Variants in SPOCK1 observed in about 807,000 individuals in gnomAD.
SPOCK1 encodes the protein testican-1.
SPOCK1 carries 23 observed loss-of-function variants against 55.3 expected under a neutral mutation model. That is an observed-to-expected ratio of 0.42 (90% CI 0.30 to 0.59). The LOEUF (loss-of-function observed/expected upper bound fraction) is 0.59, where lower values mean the gene tolerates loss of function less well. Among genes scored for constraint, SPOCK1 ranks in the 20% least tolerant of loss-of-function variants. The pLI, the probability that SPOCK1 is intolerant of heterozygous loss-of-function variation, is 0.22. For missense variants in SPOCK1, 499 were observed against 552.5 expected, an observed-to-expected ratio of 0.90 and a Z score of 0.97; for synonymous variants, 226 against 221.0, an observed-to-expected ratio of 1.02 and a Z score of -0.20.
rs184132412 is a variant in SPOCK1, at chr5:137,116,634, A to G, written c.348-4073T>C. On this transcript the variant is annotated intron_variant, in intron 4 of 10. Coordinates refer to ENST00000394945, the MANE Select transcript of SPOCK1 (RefSeq NM_004598.4). ...GCACTCCAGCCTGGGCAACAAAAAC[A>G]AAACTCTGTCTAAAAAAAAAAAACT... Among the ~76,000 whole-genome samples the G allele has an allele frequency of 5.0e-3, 760 of 152,104 alleles. 9 individuals are homozygous for G. The highest frequency in any genetic ancestry group is 0.018 in the African/African-American group (730 of 41,502).
At chr5:137,431,062 C>T (rs760926042) in intron 2 of SPOCK1, among the ~76,000 whole-genome samples, 1 of 152,188 alleles carries the variant, frequency 6.6e-6, no homozygotes, top group Non-Finnish European at 1.5e-5. Flanking sequence ...GCTGTAACAG[C>T]CACCCCACAA....
chr5:136,995,673 C>T (rs371437069), intron 6 of SPOCK1, among the ~76,000 whole-genome samples: 2 of 152,196 alleles, frequency 1.3e-5, no homozygotes, highest in African/African-American at 4.8e-5. Flanking sequence ...TCTCATGCTT[C>T]AAGATGAATT....
intron 3 of SPOCK1, among the ~76,000 whole-genome samples, chr5:137,170,354 G>T (rs562216553): frequency 9.5e-4 from 144 of 152,270 alleles, no homozygotes; most frequent in African/African-American, 2.9e-3. Context: ...TCCAGGCACT[G>T]GACCAAGCAC....
chr5:137,441,029 T>C (rs569896874), intron 2 of SPOCK1, among the ~76,000 whole-genome samples: 1 of 152,214 alleles, frequency 6.6e-6, no homozygotes, highest in African/African-American at 2.4e-5. Flanking sequence ...TTTCTCATAA[T>C]GACAACTAAT....
chr5:137,358,866 C>T (rs78666961), intron 2 of SPOCK1, among the ~76,000 whole-genome samples: 1 of 142,836 alleles, frequency 7.0e-6, no homozygotes, highest in African/African-American at 2.6e-5. Context: ...TCAAGACTTA[C>T]ATGATCAAGT....
At chr5:137,442,108 A>G (rs751927903) in intron 2 of SPOCK1, among the ~76,000 whole-genome samples, 2 of 152,220 alleles carry the variant, frequency 1.3e-5, no homozygotes, top group Non-Finnish European at 2.9e-5. Flanking sequence ...ATCTTGATCC[A>G]TTCCTCCTGG....
chr5:137,327,919 G>A (rs989740891), intron 2 of SPOCK1, among the ~76,000 whole-genome samples: 1 of 152,100 alleles, frequency 6.6e-6, no homozygotes, highest in African/African-American at 2.4e-5. Flanking sequence ...CCACAGCAAG[G>A]GGAAAAAATG....
chr5:137,454,747 A>C (rs2149835678), intron 2 of SPOCK1, among the ~76,000 whole-genome samples: 1 of 152,292 alleles, frequency 6.6e-6, no homozygotes, highest in South Asian at 2.1e-4. Flanking sequence ...GGACAATGAA[A>C]CCCCTTGAAC....
At position 137,236,363 on chromosome 5, in the gene SPOCK1, G is replaced by A. The variant is rs907185213; in HGVS notation, c.232+30647C>T. On this transcript the variant is annotated intron_variant, in intron 3 of 10. Coordinates refer to ENST00000394945, the MANE Select transcript of SPOCK1 (RefSeq NM_004598.4). ...ATGAAGCCAATGGTGGTCAGTGAAT[G>A]GGAGCTCTTTTCACACAGCCACACC... Among the ~76,000 whole-genome samples the A allele has an allele frequency of 5.3e-5, 8 of 152,236 alleles. No individual in the cohort carries two copies. In the South Asian group the frequency reaches 1.2e-3, roughly 24 times the overall value.
Position 137,224,627 on chromosome 5 carries a change from C to T in SPOCK1, c.232+42383G>A, listed in dbSNP as rs375378585. 1.3e-4 allele frequency among the ~76,000 whole-genome samples: 20 copies of T among 152,316 alleles called. No homozygotes were observed. In the East Asian group the frequency reaches 3.3e-3, roughly 25 times the overall value. ...TAGCAAGCTGAAGTTCAGAAGCTGACTCTATTGAGCTTAATAAAACAGAAA... is the reference window on the plus strand; with the variant it reads ...TAGCAAGCTGAAGTTCAGAAGCTGATTCTATTGAGCTTAATAAAACAGAAA... On this transcript the variant is annotated intron_variant, in intron 3 of 10. Coordinates refer to ENST00000394945, the MANE Select transcript of SPOCK1 (RefSeq NM_004598.4).
At chr5:137,396,229 T>C (rs1042487842) in intron 2 of SPOCK1, among the ~76,000 whole-genome samples, 4 of 152,186 alleles carry the variant, frequency 2.6e-5, no homozygotes, top group African/African-American at 9.7e-5. Context: ...CAAAATTCCT[T>C]GAGTATTTCT....
chr5:137,266,672 A>G (rs760955814), intron 3 of SPOCK1, among the ~76,000 whole-genome samples: 8 of 152,234 alleles, frequency 5.3e-5, no homozygotes, highest in Non-Finnish European at 8.8e-5. Context: ...ATCTCCAGGC[A>G]TAGTCTGTTC....
At chr5:137,399,258 C>T (rs1316816831) in intron 2 of SPOCK1, among the ~76,000 whole-genome samples, 2 of 152,122 alleles carry the variant, frequency 1.3e-5, no homozygotes, top group Non-Finnish European at 1.5e-5. Flanking sequence ...AGGCATTGCA[C>T]GTGGCAAGTT....
At chr5:137,101,144 G>A (rs1185125792) in intron 5 of SPOCK1, among the ~76,000 whole-genome samples, 2 of 151,476 alleles carry the variant, frequency 1.3e-5, no homozygotes, top group Admixed American at 6.6e-5. Flanking sequence ...GTCAGCAAGG[G>A]AATATTCTGT....
chr5:137,134,268 A>C (rs1205230920), intron 4 of SPOCK1, among the ~76,000 whole-genome samples: 2 of 152,256 alleles, frequency 1.3e-5, no homozygotes, highest in African/African-American at 4.8e-5. Flanking sequence ...ATAGGTGGTC[A>C]GTAAGCAGCA....
At chr5:137,430,070 C>T (rs1752710963) in intron 2 of SPOCK1, among the ~76,000 whole-genome samples, 1 of 152,150 alleles carries the variant, frequency 6.6e-6, no homozygotes, top group Non-Finnish European at 1.5e-5. Flanking sequence ...AGTTGCTGCT[C>T]CCCCAGGCAG....
chr5:137,424,990 T>A (rs1752578894), intron 2 of SPOCK1, among the ~76,000 whole-genome samples: 1 of 152,244 alleles, frequency 6.6e-6, no homozygotes, highest in African/African-American at 2.4e-5. Flanking sequence ...TTAAAATTGA[T>A]CTTTTAAAAA....
chr5:137,076,607 TAAAA>T (rs35285273), intron 5 of SPOCK1, among the ~76,000 whole-genome samples: 17 of 112,620 alleles, frequency 1.5e-4, no homozygotes, highest in Non-Finnish European at 2.2e-4. Context: ...GGACTGAAAG[TAAAA>T]AAAAAAAAAA....
chr5:137,087,589 AG>A (rs969443932), intron 5 of SPOCK1, among the ~76,000 whole-genome samples: 1 of 152,236 alleles, frequency 6.6e-6, no homozygotes, highest in African/African-American at 2.4e-5. Context: ...TCTGCATGGC[AG>A]GGAGGGCTGG....
Sources: gnomAD v4.1 joint callset for allele counts (sites outside exome capture counted in the v4.1 genomes callset) on GRCh38, gnomAD v4.1.1 for gene constraint, MANE v1.5 for transcripts, NCBI Gene and HGNC (gene_info 2026-07-23, HGNC 2026-07-21) for gene names.